SSBP2: variants seen among roughly 807,000 people sequenced by gnomAD.
SSBP2 encodes single stranded DNA binding protein 2, also known as single-stranded DNA-binding protein 2.
A neutral mutation model predicts 61.8 loss-of-function variants in SSBP2; 17 were observed. The ratio of observed to expected loss-of-function variants is 0.28; its 90% CI spans 0.19 to 0.41. The LOEUF is 0.41. Among genes scored for constraint, SSBP2 ranks in the 10% least tolerant of loss-of-function variants. The probability of loss-of-function intolerance (pLI) is 1.00; values close to 1 mark genes in which losing one functional copy is unlikely to be tolerated. For missense variants in SSBP2, 310 were observed against 458.7 expected (o/e 0.68, Z 2.96); for synonymous variants, 139 against 141.3 (o/e 0.98, Z 0.12).
intron 1 of SSBP2, among the ~76,000 whole-genome samples, chr5:81,656,656 A>T (rs1750242058): frequency 6.6e-6 from 1 of 152,048 alleles, no homozygotes; most frequent in Non-Finnish European, 1.5e-5. Context: ...TTAATTTTTA[A>T]ATAATGAGCA....
At chr5:81,654,662 A>G (rs1223207905) in intron 1 of SSBP2, among the ~76,000 whole-genome samples, 1 of 152,198 alleles carries the variant, frequency 6.6e-6, no homozygotes, top group Non-Finnish European at 1.5e-5. Context: ...ACAAAAGGAC[A>G]CTGATTCACC....
intron 4 of SSBP2, among the ~76,000 whole-genome samples, chr5:81,611,478 T>G (rs755160897): frequency 1.3e-5 from 2 of 152,182 alleles, no homozygotes; most frequent in South Asian, 4.1e-4. Context: ...TTTTCTATGA[T>G]TTCTACATCT....
At chr5:81,499,301 G>A (rs1180530465) in intron 5 of SSBP2, among the ~76,000 whole-genome samples, 1 of 152,166 alleles carries the variant, frequency 6.6e-6, no homozygotes, top group African/African-American at 2.4e-5. Context: ...ACCCAATAGA[G>A]CAGAGTTACA....
At chr5:81,589,020 G>A (rs1775289773) in intron 4 of SSBP2, among the ~76,000 whole-genome samples, 1 of 152,182 alleles carries the variant, frequency 6.6e-6, no homozygotes, top group Non-Finnish European at 1.5e-5. Flanking sequence ...AGCTGTGACT[G>A]TGCCACTGCA....
intron 8 of SSBP2, among the ~76,000 whole-genome samples, chr5:81,471,087 T>C (rs1765218581): frequency 6.6e-6 from 1 of 151,900 alleles, no homozygotes; most frequent in African/African-American, 2.4e-5. Context: ...ACTGTAGGCA[T>C]TTCTTATTTC....
At chr5:81,496,886 A>C (rs1767327957) in intron 5 of SSBP2, among the ~76,000 whole-genome samples, 1 of 152,202 alleles carries the variant, frequency 6.6e-6, no homozygotes, top group Non-Finnish European at 1.5e-5. Flanking sequence ...TGGTCACAAA[A>C]AGCGTATGGT....
intron 4 of SSBP2, among the ~76,000 whole-genome samples, chr5:81,531,812 A>G (rs1441270615): frequency 6.6e-6 from 1 of 152,132 alleles, no homozygotes; most frequent in African/African-American, 2.4e-5. Context: ...CCTAAGAAAC[A>G]TGAAATTCTA....
intron 1 of SSBP2, among the ~76,000 whole-genome samples, chr5:81,741,672 T>C (rs1757035706): frequency 6.6e-6 from 1 of 152,158 alleles, no homozygotes; most frequent in African/African-American, 2.4e-5. Context: ...AGTTCACTGA[T>C]AAAAATTAGC....
chr5:81,589,476 A>G (rs540989541), intron 4 of SSBP2, among the ~76,000 whole-genome samples: 1 of 152,384 alleles, frequency 6.6e-6, no homozygotes, highest in African/African-American at 2.4e-5. Context: ...AAAAGTATGC[A>G]GTGAAAATAT....
In SSBP2 at chr5:81,713,811, A is replaced by T. The variant is rs185848415; in HGVS notation, c.62+37170T>A. ...AAAAAGAGTAACTTGGAAGAAACAA[A>T]TAATAGGTAAAGAGAAGAAAATTTC... is the stretch of plus-strand genomic sequence containing the variant. On this transcript the variant is annotated intron_variant, in intron 1 of 16. Coordinates refer to ENST00000320672, the MANE Select transcript of SSBP2 (RefSeq NM_012446.5). 9.8e-5 allele frequency among the ~76,000 whole-genome samples: 15 copies of T among 152,330 alleles called. 1 individual carries two copies. In the East Asian group the frequency reaches 2.9e-3, roughly 29 times the overall value.
At chr5:81,422,101 A>G (rs1202290082) in intron 16 of SSBP2, among the ~76,000 whole-genome samples, 2 of 152,192 alleles carry the variant, frequency 1.3e-5, no homozygotes, top group Non-Finnish European at 2.9e-5. Flanking sequence ...CAACATGCTA[A>G]TAACAATTGT....
At chr5:81,641,835 C>T (rs1437071032) in intron 2 of SSBP2, among the ~76,000 whole-genome samples, 2 of 151,800 alleles carry the variant, frequency 1.3e-5, no homozygotes, top group Non-Finnish European at 2.9e-5. Context: ...AATACAGCTA[C>T]CTGGAAAGAG....
rs1770731343 is a variant in SSBP2 at position 81,535,424 on chromosome 5, G to A, written c.283-21707C>T. Among the ~76,000 whole-genome samples the A allele has an allele frequency of 7.9e-5, 12 of 152,128 alleles. No individual in the cohort carries two copies. The South Asian group carries it at 2.5e-3, about 32-fold the overall frequency. On this transcript the variant is annotated intron_variant, in intron 4 of 16. Transcript: ENST00000320672. The stretch of plus-strand genomic sequence containing the variant: ...ACAACGAACTTATTTCGTCGCTATT[G>A]ATGAACAAATTGTAAAGTTTATATG...
At chr5:81,533,354 T>A (rs1346838541) in intron 4 of SSBP2, among the ~76,000 whole-genome samples, 1 of 151,556 alleles carries the variant, frequency 6.6e-6, no homozygotes. Context: ...ATATAATATA[T>A]CAAAATTTGT....
chr5:81,653,644 C>G (rs780182448), intron 1 of SSBP2, among the ~76,000 whole-genome samples: 1 of 152,184 alleles, frequency 6.6e-6, no homozygotes, highest in Non-Finnish European at 1.5e-5. Flanking sequence ...ACCATTCTAA[C>G]TGGCATCAGA....
intron 2 of SSBP2, among the ~76,000 whole-genome samples, chr5:81,648,827 T>A (rs1749489273): frequency 6.6e-6 from 1 of 152,094 alleles, no homozygotes; most frequent in Admixed American, 6.6e-5. Context: ...AATAGCCACA[T>A]TTAAAAAGAA....
chr5:81,465,481 C>G (rs1297613231), intron 9 of SSBP2, among the ~76,000 whole-genome samples: 1 of 151,902 alleles, frequency 6.6e-6, no homozygotes, highest in Non-Finnish European at 1.5e-5. Flanking sequence ...CAATTTTTTT[C>G]TCTGAACAGG....
intron 1 of SSBP2, among the ~76,000 whole-genome samples, chr5:81,712,726 TTG>T (rs1468278965): frequency 2.2e-5 from 2 of 92,932 alleles, no homozygotes; most frequent in Non-Finnish European, 4.7e-5. Flanking sequence ...GTTTGTTTCT[TTG>T]TTTTTTTTTT....
chr5:81,622,970 T>G (rs1323105723), intron 3 of SSBP2, among the ~76,000 whole-genome samples: 1 of 152,230 alleles, frequency 6.6e-6, no homozygotes, highest in East Asian at 1.9e-4. Flanking sequence ...AAAAATAATT[T>G]AAATAAATTT....
Sources: gnomAD v4.1 joint callset for allele counts (sites outside exome capture counted in the v4.1 genomes callset) on GRCh38, gnomAD v4.1.1 for gene constraint, MANE v1.5 for transcripts, NCBI Gene and HGNC (gene_info 2026-07-23, HGNC 2026-07-21) for gene names.